Variants in OTUD7A observed in about 807,000 individuals in gnomAD.
The protein encoded by OTUD7A is OTU deubiquitinase 7A, also known as OTU domain-containing protein 7A.
OTUD7A carries 12 observed loss-of-function variants against 65.7 expected under a neutral mutation model. That is an observed-to-expected ratio of 0.18 (90% CI 0.12 to 0.30). The LOEUF (loss-of-function observed/expected upper bound fraction) is 0.30. Ranked by LOEUF, OTUD7A falls within the 10% of genes least tolerant of loss-of-function variation. The pLI is 1.00. For synonymous variants in OTUD7A, 641 were observed against 586.3 expected, an observed-to-expected ratio of 1.09 and a Z score of -1.35; for missense variants, 1,148 against 1,304.8, an observed-to-expected ratio of 0.88 and a Z score of 1.85.
chr15:31,775,345 T>A (rs1034886244), intron 1 of OTUD7A, among the ~76,000 whole-genome samples: 1 of 152,240 alleles, frequency 6.6e-6, no homozygotes, highest in African/African-American at 2.4e-5. Context: ...GAGGATTATT[T>A]TAGGTGCTCA....
chr15:31,574,418 G>C (rs547749611), intron 3 of OTUD7A, among the ~76,000 whole-genome samples: 45 of 152,240 alleles, frequency 3.0e-4, no homozygotes, highest in Non-Finnish European at 5.9e-4. Flanking sequence ...AAAGAAAGAT[G>C]AATCATTTGC....
At chr15:31,820,576 T>C (rs1331247743) in intron 1 of OTUD7A, among the ~76,000 whole-genome samples, 2 of 152,204 alleles carry the variant, frequency 1.3e-5, no homozygotes, top group Non-Finnish European at 2.9e-5. Context: ...GCTATCCTCA[T>C]GCATGGATAC....
rs1262298726 is a variant in OTUD7A, at chr15:31,870,616, C to G, written c.-209G>C. 2 of 148,386 alleles carry G rather than the reference C, an allele frequency of 1.3e-5. No individual in the cohort carries two copies. Among genetic ancestry groups the G allele is most frequent in the Admixed American group, 1.3e-4 (2 of 14,930 alleles). The allele number at this position is 148,386 out of a possible 1,614,324, so 9.2% of individuals were successfully genotyped here. On this transcript the variant is annotated 5_prime_UTR_variant, in exon 1 of 13. Coordinates refer to ENST00000307050, the MANE Select transcript of OTUD7A (RefSeq NM_001382637.1). Reference sequence around the variant, plus strand: ...AAAACCAGATCAGCTGTTTTGCTCCCGCTCGGGCTCCGCGGCCCCCTCCCC... The same window carrying G: ...AAAACCAGATCAGCTGTTTTGCTCCGGCTCGGGCTCCGCGGCCCCCTCCCC...
chr15:31,516,815 C>T (rs984729199), intron 8 of OTUD7A, among the ~76,000 whole-genome samples: 68 of 152,196 alleles, frequency 4.5e-4, no homozygotes, highest in African/African-American at 1.6e-3. Context: ...TTAATCCCTG[C>T]CTCAATGTGA....
chr15:31,566,156 A>C (rs1346729449), intron 4 of OTUD7A, among the ~76,000 whole-genome samples: 1 of 150,918 alleles, frequency 6.6e-6, no homozygotes, highest in African/African-American at 2.4e-5. Context: ...GCGCCACTGC[A>C]CTCCAGCCTG....
intron 10 of OTUD7A, among the ~76,000 whole-genome samples, chr15:31,496,065 C>CAA (rs34962324): frequency 2.3e-5 from 2 of 88,278 alleles, no homozygotes; most frequent in Non-Finnish European, 4.8e-5. Flanking sequence ...AACCCCATCT[C>CAA]AAAAAAAAAA....
intron 3 of OTUD7A, among the ~76,000 whole-genome samples, chr15:31,627,345 GTT>G (rs1890992466): frequency 6.7e-6 from 1 of 149,086 alleles, no homozygotes; most frequent in Non-Finnish European, 1.5e-5. Flanking sequence ...GCAGTGTTTG[GTT>G]TTTTGTCCTT....
Position 31,655,923 on chromosome 15 carries a change from C to G in OTUD7A, c.-4-673G>C, listed in dbSNP as rs1433360385. 5.4e-3 allele frequency among the ~76,000 whole-genome samples: 820 copies of G among 151,668 alleles called. 6 individuals are homozygous for G. The highest frequency in any genetic ancestry group is 0.016 in the African/African-American group (674 of 41,198). On this transcript the variant is annotated intron_variant, in intron 2 of 12. Coordinates refer to ENST00000307050, the MANE Select transcript of OTUD7A (RefSeq NM_001382637.1). ...CACAATGTGATGAATGTTACCCACT[C>G]TATTCCAATTATGCCTTTATCAGTG...
chr15:31,806,917 G>A (rs1198898756), intron 1 of OTUD7A, among the ~76,000 whole-genome samples: 1 of 152,146 alleles, frequency 6.6e-6, no homozygotes, highest in African/African-American at 2.4e-5. Context: ...ATAGTGCCCT[G>A]ACACTGTCCC....
intron 1 of OTUD7A, among the ~76,000 whole-genome samples, chr15:31,852,120 G>A (rs932049902): frequency 6.6e-6 from 1 of 152,330 alleles, no homozygotes; most frequent in Non-Finnish European, 1.5e-5. Context: ...GCCTCCCAAA[G>A]TGCTGGGATT....
At chr15:31,862,707 C>A (rs1268280572) in intron 1 of OTUD7A, among the ~76,000 whole-genome samples, 1 of 152,176 alleles carries the variant, frequency 6.6e-6, no homozygotes, top group Non-Finnish European at 1.5e-5. Context: ...CTGGGAGACA[C>A]AATTCAAGTT....
chr15:31,788,224 A>G (rs1895724268), intron 1 of OTUD7A, among the ~76,000 whole-genome samples: 1 of 152,196 alleles, frequency 6.6e-6, no homozygotes, highest in South Asian at 2.1e-4. Flanking sequence ...ACTAAGAAAT[A>G]TGCGTAAGAC....
chr15:31,772,027 C>T (rs868868661), intron 1 of OTUD7A, among the ~76,000 whole-genome samples: 18 of 151,890 alleles, frequency 1.2e-4, no homozygotes, highest in Admixed American at 5.2e-4. Flanking sequence ...CCGAGGCGGG[C>T]GGATCACGAG....
intron 3 of OTUD7A, among the ~76,000 whole-genome samples, chr15:31,643,301 A>C (rs1953838530): frequency 6.6e-6 from 1 of 152,076 alleles, no homozygotes; most frequent in African/African-American, 2.4e-5. Context: ...GATGCCTTTA[A>C]TATTTCTTTA....
At chr15:31,753,100 G>A (rs1894682949) in intron 1 of OTUD7A, among the ~76,000 whole-genome samples, 1 of 152,122 alleles carries the variant, frequency 6.6e-6, no homozygotes, top group Non-Finnish European at 1.5e-5. Flanking sequence ...AAAACAGTGA[G>A]GAATACAATG....
chr15:31,661,196 GTC>G (rs1306437890), intron 1 of OTUD7A, among the ~76,000 whole-genome samples: 4 of 152,186 alleles, frequency 2.6e-5, no homozygotes, highest in African/African-American at 9.6e-5. Flanking sequence ...TGGAAGAAAA[GTC>G]TCTCCTAAAA....
Position 31,478,286 on chromosome 15 carries a change from AG to A in OTUD7A, c.*5007del, listed in dbSNP as rs1261787775. ...GGTTGCTTTGGTCTTGAATAAATTCAGCCTATATTTACTCTTAAAACCAAAT... is the reference window on the plus strand; with the variant it reads ...GGTTGCTTTGGTCTTGAATAAATTCACCTATATTTACTCTTAAAACCAAAT... On this transcript the variant is annotated 3_prime_UTR_variant, in exon 13 of 13. Transcript: ENST00000307050. 1 of 152,210 alleles carries A rather than the reference AG, an allele frequency of 6.6e-6. No homozygotes were observed. Among genetic ancestry groups the A allele is most frequent in the African/African-American group, 2.4e-5 (1 of 41,450 alleles). The allele number at this position is 152,210 out of a possible 1,614,324, so 9.4% of individuals were successfully genotyped here.
chr15:31,592,561 G>C lies in OTUD7A; in HGVS notation c.152-22364C>G, dbSNP rs1889758293. 2.6e-5 allele frequency among the ~76,000 whole-genome samples: 4 copies of C among 151,972 alleles called. 1 individual carries two copies. In the Middle Eastern group the frequency reaches 0.014, roughly 517 times the overall value. On this transcript the variant is annotated intron_variant, in intron 3 of 12. Transcript: ENST00000307050. ...GGAACACTTCCTGAAGGACCTGCCT[G>C]AGGCCATTTTACATTAACTTTAAAA...
At chr15:31,740,937 T>C (rs1009246017) in intron 1 of OTUD7A, among the ~76,000 whole-genome samples, 1 of 152,164 alleles carries the variant, frequency 6.6e-6, no homozygotes, top group African/African-American at 2.4e-5. Context: ...CATTTGCTAG[T>C]GATAAAAAGA....
Sources: gnomAD v4.1 joint callset for allele counts (sites outside exome capture counted in the v4.1 genomes callset) on GRCh38, gnomAD v4.1.1 for gene constraint, MANE v1.5 for transcripts, NCBI Gene and HGNC (gene_info 2026-07-23, HGNC 2026-07-21) for gene names.